The following MTRF1 variants were observed in gnomAD, a reference collection of about 807,000 sequenced individuals.
MTRF1 encodes the protein mitochondrial translation release factor 1, also known as peptide chain release factor 1, mitochondrial.
Under a neutral mutation model 62.9 loss-of-function variants are expected in MTRF1, and 51 were observed. The observed-to-expected ratio is 0.81, with a 90% CI of 0.65 to 1.02. The LOEUF (loss-of-function observed/expected upper bound fraction) is 1.02, where lower values mean the gene tolerates loss of function less well. Ranked by LOEUF, MTRF1 falls within the 50% of genes least tolerant of loss-of-function variation. MTRF1 has a pLI of 0.00. For synonymous variants in MTRF1, 158 were observed against 181.9 expected (o/e 0.87, Z 1.06); for missense variants, 446 against 530.0 (o/e 0.84, Z 1.56).
chr13:41,250,185 T>G (rs2139073451), intron 5 of MTRF1, among the ~76,000 whole-genome samples: 1 of 152,288 alleles, frequency 6.6e-6, no homozygotes, highest in South Asian at 2.1e-4. Flanking sequence ...ACTACTCTCC[T>G]TTTCATAATG....
chr13:41,253,126 T>A, intron 3 of MTRF1, 96 bp from the exon 4 acceptor site: 1 of 929,950 alleles, frequency 1.1e-6, no homozygotes, highest in Non-Finnish European at 1.6e-6. Context: ...AATCAATAAT[T>A]GGCAAAATCA....
the MTRF1 span, among the ~76,000 whole-genome samples, chr13:41,270,396 T>C: frequency 6.6e-6 from 1 of 152,218 alleles, no homozygotes; most frequent in African/African-American, 2.4e-5. Context: ...AGAGCTCTTT[T>C]AGACATTTTC....
At chr13:41,262,644 G>GA (rs11381865) in intron 1 of MTRF1, among the ~76,000 whole-genome samples, 94,437 of 151,790 alleles carry the variant, frequency 0.62, 29,720 homozygotes, top group Admixed American at 0.65. Context: ...AGTGTTCTAA[G>GA]AAAACTCTAA....
intron 9 of MTRF1, among the ~76,000 whole-genome samples, chr13:41,222,430 T>C (rs535361315): frequency 1.6e-4 from 25 of 152,318 alleles, no homozygotes; most frequent in African/African-American, 5.3e-4. Flanking sequence ...TGCCCCCTGG[T>C]GTACACACTG....
chr13:41,280,636 T>C, the MTRF1 span, among the ~76,000 whole-genome samples: 3 of 152,100 alleles, frequency 2.0e-5, no homozygotes, highest in East Asian at 5.8e-4. Flanking sequence ...TATGTCTCCC[T>C]AAAATGTGTA....
chr13:41,251,222 C>A (rs377064107), intron 5 of MTRF1, among the ~76,000 whole-genome samples: 11 of 152,290 alleles, frequency 7.2e-5, no homozygotes, highest in African/African-American at 2.2e-4. Flanking sequence ...ACAGATAATT[C>A]TACTCCCCAT....
At chr13:41,273,290 C>A in the MTRF1 span, among the ~76,000 whole-genome samples, 82 of 150,526 alleles carry the variant, frequency 5.4e-4, no homozygotes, top group African/African-American at 2.0e-3. Context: ...CGCGCCACTG[C>A]ACTCCAGCCT....
chr13:41,241,978 C>A (rs1376089200), intron 5 of MTRF1, among the ~76,000 whole-genome samples: 3 of 152,244 alleles, frequency 2.0e-5, no homozygotes, highest in African/African-American at 7.2e-5. Flanking sequence ...CTAATTCTAT[C>A]ATTCCTTTCT....
the MTRF1 span, among the ~76,000 whole-genome samples, chr13:41,282,516 A>G: frequency 6.6e-6 from 1 of 152,160 alleles, no homozygotes; most frequent in Admixed American, 6.5e-5. Flanking sequence ...GAATGTTTTG[A>G]TCATCATTTC....
intron 7 of MTRF1, 148 bp from the exon 8 acceptor site, chr13:41,226,716 G>C (rs943402582): frequency 6.7e-6 from 6 of 898,822 alleles, no homozygotes; most frequent in Admixed American, 5.5e-5. Flanking sequence ...AAACTAGCTG[G>C]GTTATGATTA....
chr13:41,272,782 C>T, the MTRF1 span, among the ~76,000 whole-genome samples: 4 of 152,104 alleles, frequency 2.6e-5, no homozygotes, highest in African/African-American at 4.8e-5. Flanking sequence ...GATTTACTTA[C>T]CTTCCATCGT....
Position 41,234,119 on chromosome 13 carries a change from G to A in MTRF1, c.871-112C>T, listed in dbSNP as rs188314987. The stretch of plus-strand genomic sequence containing the variant: ...GTTTTAAGATAAATTATAGCCTTTA[G>A]ACTAAGAGAAGTAACTTATACCAAA... On this transcript the variant is annotated intron_variant, in intron 6 of 9. Coordinates refer to ENST00000379480, the MANE Select transcript of MTRF1 (RefSeq NM_004294.4). 1.3e-4 allele frequency: 104 copies of A among 823,932 alleles called. No individual in the cohort carries two copies. In the East Asian group the frequency reaches 2.6e-3, roughly 21 times the overall value. 51.0% of individuals were successfully genotyped at this position (823,932 alleles called of 1,614,324 possible).
intron 8 of MTRF1, among the ~76,000 whole-genome samples, chr13:41,223,752 T>C (rs925899608): frequency 6.6e-6 from 1 of 152,224 alleles, no homozygotes; most frequent in African/African-American, 2.4e-5. Context: ...TTGACAAAGA[T>C]GCACACGGCG....
At chr13:41,242,522 A>G (rs959235001) in intron 5 of MTRF1, among the ~76,000 whole-genome samples, 2 of 152,190 alleles carry the variant, frequency 1.3e-5, no homozygotes, top group Non-Finnish European at 2.9e-5. Context: ...TATAATTTCT[A>G]AGCCTTTTCA....
At chr13:41,292,401 G>A in the MTRF1 span, among the ~76,000 whole-genome samples, 1 of 151,840 alleles carries the variant, frequency 6.6e-6, no homozygotes, top group Non-Finnish European at 1.5e-5. Flanking sequence ...TGGCTAATAC[G>A]GTGAAACCCC....
chr13:41,300,716 G>A, the MTRF1 span, among the ~76,000 whole-genome samples: 28 of 152,254 alleles, frequency 1.8e-4, no homozygotes, highest in Non-Finnish European at 2.9e-4. Context: ...GGCCTTACCA[G>A]TGGTTTTTAA....
At chr13:41,251,171 T>C (rs990409881) in intron 5 of MTRF1, among the ~76,000 whole-genome samples, 4 of 152,164 alleles carry the variant, frequency 2.6e-5, no homozygotes, top group Non-Finnish European at 4.4e-5. Flanking sequence ...CACATCTAGT[T>C]ACTTAGCAAA....
the MTRF1 span, among the ~76,000 whole-genome samples, chr13:41,296,389 A>G: frequency 2.6e-5 from 4 of 152,322 alleles, no homozygotes; most frequent in African/African-American, 9.6e-5. Context: ...TTCTCTTTTG[A>G]TCAAATGTTT....
At chr13:41,229,699 G>A (rs1263874228) in intron 7 of MTRF1, 1 of 151,934 alleles carries the variant, frequency 6.6e-6, no homozygotes, top group African/African-American at 2.4e-5. Context: ...TACTGTTCTG[G>A]ACTGTGTATA....
Sources: allele counts gnomAD v4.1 joint callset (sites outside exome capture counted in the v4.1 genomes callset), GRCh38; gene constraint gnomAD v4.1.1; transcripts MANE v1.5; gene names NCBI Gene and HGNC (gene_info 2026-07-23, HGNC 2026-07-21).